The following EXOC4 variants were observed in gnomAD, a reference collection of about 807,000 sequenced individuals.
EXOC4 encodes exocyst complex component 4.
A neutral mutation model predicts 107.2 loss-of-function variants in EXOC4; 71 were observed. The ratio of observed to expected loss-of-function variants is 0.66; its 90% CI spans 0.55 to 0.81. The LOEUF (loss-of-function observed/expected upper bound fraction) is 0.81, where lower values mean the gene tolerates loss of function less well. EXOC4 is among the 30% of genes least tolerant of loss of function. The pLI is 0.00. For synonymous variants in EXOC4, 456 were observed against 441.2 expected, an observed-to-expected ratio of 1.03 and a Z score of -0.42; for missense variants, 1,108 against 1,189.6, an observed-to-expected ratio of 0.93 and a Z score of 1.01.
At chr7:133,823,878 A>ATATATATATATATATAT (rs1797617358) in intron 11 of EXOC4, among the ~76,000 whole-genome samples, 1 of 19,630 alleles carries the variant, frequency 5.1e-5, no homozygotes, top group Non-Finnish European at 7.5e-5. Context: ...TATATTATAT[A>ATATATATATATATATAT]TATATATATA....
At chr7:133,435,783 C>T (rs563530822) in intron 7 of EXOC4, among the ~76,000 whole-genome samples, 99 of 152,098 alleles carry the variant, frequency 6.5e-4, no homozygotes, top group African/African-American at 2.3e-3. Context: ...AAAAATGCTC[C>T]GTTATCTAGT....
intron 9 of EXOC4, among the ~76,000 whole-genome samples, chr7:133,576,233 G>A (rs2150963224): frequency 6.6e-6 from 1 of 152,254 alleles, no homozygotes; most frequent in East Asian, 1.9e-4. Context: ...GCATGAATGG[G>A]TGCCAATAGT....
intron 14 of EXOC4, among the ~76,000 whole-genome samples, chr7:133,968,170 C>CT (rs1393665609): frequency 1.3e-5 from 2 of 151,548 alleles, no homozygotes; most frequent in Non-Finnish European, 2.9e-5. Flanking sequence ...TTTTTTTTCT[C>CT]TTTTTTTGCT....
At chr7:134,049,741 C>T (rs572820945) in intron 17 of EXOC4, among the ~76,000 whole-genome samples, 4 of 152,290 alleles carry the variant, frequency 2.6e-5, no homozygotes, top group African/African-American at 9.6e-5. Flanking sequence ...CTATGTTTTA[C>T]TTACCTCTGC....
At chr7:133,328,624 A>G (rs933863448) in intron 5 of EXOC4, among the ~76,000 whole-genome samples, 2 of 151,614 alleles carry the variant, frequency 1.3e-5, no homozygotes, top group African/African-American at 4.9e-5. Flanking sequence ...TGGTGGTGAC[A>G]GAATCTCTCA....
At chr7:133,462,580 A>G (rs909172483) in intron 7 of EXOC4, among the ~76,000 whole-genome samples, 2 of 152,172 alleles carry the variant, frequency 1.3e-5, no homozygotes, top group Non-Finnish European at 2.9e-5. Flanking sequence ...TGTAACTCTG[A>G]TTAGTAACAT....
At chr7:134,006,831 G>A (rs918577301) in intron 16 of EXOC4, among the ~76,000 whole-genome samples, 2 of 152,170 alleles carry the variant, frequency 1.3e-5, no homozygotes, top group African/African-American at 4.8e-5. Context: ...TAACCCATAT[G>A]TGCCTCACGT....
At chr7:133,359,128 G>A (rs896128705) in intron 6 of EXOC4, among the ~76,000 whole-genome samples, 2 of 152,184 alleles carry the variant, frequency 1.3e-5, no homozygotes, top group African/African-American at 4.8e-5. Context: ...AGTATTTAGA[G>A]TAAACCACTT....
At chr7:133,587,340 A>G (rs966737443) in intron 9 of EXOC4, among the ~76,000 whole-genome samples, 4 of 152,206 alleles carry the variant, frequency 2.6e-5, no homozygotes, top group African/African-American at 7.2e-5. Context: ...AATAAAGACT[A>G]CCTGCCTCTA....
intron 9 of EXOC4, among the ~76,000 whole-genome samples, chr7:133,485,079 C>CA (rs1491252321): frequency 0.044 from 1,218 of 27,764 alleles, 72 homozygotes; most frequent in African/African-American, 0.13. Flanking sequence ...GACTCCGTCT[C>CA]AAAAAATAAA....
intron 11 of EXOC4, among the ~76,000 whole-genome samples, chr7:133,828,009 A>T: frequency 6.6e-6 from 1 of 152,134 alleles, no homozygotes. Flanking sequence ...CTTAGTTGTC[A>T]CCTAGACTGT....
At chr7:133,600,641 A>T (rs930613400) in intron 9 of EXOC4, among the ~76,000 whole-genome samples, 1 of 152,166 alleles carries the variant, frequency 6.6e-6, no homozygotes, top group Non-Finnish European at 1.5e-5. Context: ...TGTTCCAAGA[A>T]TTCATAATTC....
chr7:133,525,007 A>G (rs1004609246), intron 9 of EXOC4, among the ~76,000 whole-genome samples: 2 of 152,130 alleles, frequency 1.3e-5, no homozygotes, highest in South Asian at 4.1e-4. Context: ...AAGTTACTCT[A>G]TTGTCAGTGC....
intron 2 of EXOC4, among the ~76,000 whole-genome samples, chr7:133,284,928 C>T (rs1005907292): frequency 6.6e-6 from 1 of 152,180 alleles, no homozygotes; most frequent in African/African-American, 2.4e-5. Flanking sequence ...GTTCCAACAT[C>T]TCAGAGATGC....
At chr7:134,083,285 C>G in the EXOC4 span, among the ~76,000 whole-genome samples, 1 of 152,182 alleles carries the variant, frequency 6.6e-6, no homozygotes, top group Non-Finnish European at 1.5e-5. Context: ...TGGGCCCCAT[C>G]TAGATGCAGC....
At chr7:133,448,122 G>A (rs1798259300) in intron 7 of EXOC4, among the ~76,000 whole-genome samples, 1 of 152,170 alleles carries the variant, frequency 6.6e-6, no homozygotes, top group Admixed American at 6.5e-5. Flanking sequence ...GAGGGACAGA[G>A]CAGGAAAAAG....
chr7:133,554,217 C>G (rs910496616), intron 9 of EXOC4, among the ~76,000 whole-genome samples: 4 of 152,040 alleles, frequency 2.6e-5, no homozygotes, highest in African/African-American at 9.7e-5. Context: ...GACTGTACTA[C>G]TATAGATTGA....
intron 17 of EXOC4, among the ~76,000 whole-genome samples, chr7:134,031,976 T>A (rs1795281980): frequency 6.6e-6 from 1 of 152,216 alleles, no homozygotes; most frequent in Non-Finnish European, 1.5e-5. Flanking sequence ...TTGTAAATCA[T>A]GACTCTTTGT....
intron 6 of EXOC4, among the ~76,000 whole-genome samples, chr7:133,361,934 G>A (rs1049614377): frequency 5.3e-5 from 8 of 152,106 alleles, no homozygotes; most frequent in African/African-American, 1.9e-4. Context: ...ATTTTCAACA[G>A]TACAATGTTT....
Sources: allele counts gnomAD v4.1 joint callset (sites outside exome capture counted in the v4.1 genomes callset), GRCh38; gene constraint gnomAD v4.1.1; transcripts MANE v1.5; gene names NCBI Gene and HGNC (gene_info 2026-07-23, HGNC 2026-07-21).